BICD2: variants seen among roughly 807,000 people sequenced by gnomAD.
BICD2 encodes BICD cargo adaptor 2, also known as protein bicaudal D homolog 2.
A neutral mutation model predicts 72.9 loss-of-function variants in BICD2; 25 were observed. That is an observed-to-expected ratio of 0.34 (90% CI 0.25 to 0.48). BICD2 has a LOEUF of 0.48. Ranked by LOEUF, BICD2 falls within the 20% of genes least tolerant of loss-of-function variation. BICD2 has a pLI of 0.99. For synonymous variants in BICD2, 501 were observed against 516.1 expected (o/e 0.97, Z 0.40); for missense variants, 894 against 1,175.2 (o/e 0.76, Z 3.50).
intron 6 of BICD2, 130 bp downstream of exon 6, chr9:92,717,667 T>C: frequency 8.1e-7 from 1 of 1,239,820 alleles, no homozygotes. Flanking sequence ...CTGATGGAGC[T>C]GGGCACAGCC....
At chr9:92,729,620 G>A (rs894751833) in intron 1 of BICD2, among the ~76,000 whole-genome samples, 5 of 152,348 alleles carry the variant, frequency 3.3e-5, no homozygotes, top group East Asian at 1.9e-4. Flanking sequence ...ATGGCACGCC[G>A]GCCACCACAT....
At position 92,719,484 on chromosome 9, in the gene BICD2, C is replaced by T; in HGVS notation, c.1161G>A (p.Val387=). Residue 387 remains valine, a synonymous_variant, in exon 5 of 7, where the codon GTG becomes GTA. Transcript: ENST00000356884. ...RGSLSEQQEK[V]TRLTENLSAL... ...CACTCAGATTCTCTGTGAGGCGGGT[C>T]ACCTTCTCCTGCTGTTCTGACAGGG... The T allele has an allele frequency of 6.2e-7, 1 of 1,614,046 alleles. No individual in the cohort carries two copies. Among genetic ancestry groups the T allele is most frequent in the Non-Finnish European group, 8.5e-7 (1 of 1,180,016 alleles).
chr9:92,743,482 A>C (rs1442412206), intron 1 of BICD2, among the ~76,000 whole-genome samples: 1 of 151,618 alleles, frequency 6.6e-6, no homozygotes, highest in Non-Finnish European at 1.5e-5. Context: ...CGCACAAGAT[A>C]CCGTGTTCAG....
intron 1 of BICD2, among the ~76,000 whole-genome samples, chr9:92,763,248 C>T (rs1368723490): frequency 1.3e-5 from 2 of 152,094 alleles, no homozygotes; most frequent in African/African-American, 2.4e-5. Context: ...TCCTCAGACA[C>T]GGGGGAGGCA....
Position 92,718,519 on chromosome 9 carries a change from C to T in BICD2, c.2106+20G>A. On this transcript the variant is annotated intron_variant, in intron 5 of 6. Coordinates refer to ENST00000356884, the MANE Select transcript of BICD2 (RefSeq NM_001003800.2). ...AGGCCAGTAGTAGGTGACATGTGCCCCTGCTGCCTGGCACCTCACCTGCTT... is the reference window on the plus strand; with the variant it reads ...AGGCCAGTAGTAGGTGACATGTGCCTCTGCTGCCTGGCACCTCACCTGCTT... The T allele has an allele frequency of 6.3e-7, 1 of 1,592,202 alleles. No homozygotes were observed. The highest frequency in any genetic ancestry group is 8.6e-7 in the Non-Finnish European group (1 of 1,168,032).
At chr9:92,761,371 C>T (rs1854369176) in intron 1 of BICD2, among the ~76,000 whole-genome samples, 1 of 152,232 alleles carries the variant, frequency 6.6e-6, no homozygotes, top group South Asian at 2.1e-4. Context: ...GTGTTGGGTG[C>T]TGTGCCCAGT....
chr9:92,751,112 T>C (rs1219213217), intron 1 of BICD2, among the ~76,000 whole-genome samples: 1 of 148,644 alleles, frequency 6.7e-6, no homozygotes, highest in Non-Finnish European at 1.5e-5. Context: ...GGTTTCACCA[T>C]GTTGGCCAGG....
At chr9:92,757,841 A>C (rs1196926314) in intron 1 of BICD2, among the ~76,000 whole-genome samples, 1 of 152,244 alleles carries the variant, frequency 6.6e-6, no homozygotes, top group East Asian at 1.9e-4. Flanking sequence ...AGGAGCATAC[A>C]TGGACTCACT....
Position 92,719,106 on chromosome 9 carries a change from G to T in BICD2, c.1539C>A (p.Ala513=). The T allele has an allele frequency of 6.2e-7, 1 of 1,612,750 alleles. No individual in the cohort carries two copies. Among genetic ancestry groups the T allele is most frequent in the South Asian group, 1.1e-5 (1 of 91,090 alleles). ...CACTCAGGCTGCCCTGTGTCTCGCC[G>T]GCGACGTCGCTCACCTTCTTTAGCT... The part of the protein sequence containing the change: ...EKELKKVSDV[A]GETQGSLSVA... The change falls in exon 5 of 7, where the codon GCC becomes GCA. Residue 513 remains alanine, a synonymous_variant. Coordinates refer to ENST00000356884, the MANE Select transcript of BICD2 (RefSeq NM_001003800.2).
chr9:92,755,313 C>T (rs1243993430), intron 1 of BICD2, among the ~76,000 whole-genome samples: 1 of 152,212 alleles, frequency 6.6e-6, no homozygotes, highest in Non-Finnish European at 1.5e-5. Context: ...GTGCCCGAAA[C>T]TTCATTAGCA....
rs1853369802 is a variant in BICD2 at position 92,718,442 on chromosome 9, T to TG, written c.2106+96dup. Reference sequence around the variant, plus strand: ...GCTCTGTCTGGTGGTGACGCAGGCCTGGGGGGGCCCCGTGGCAGGGGGAGG... The same window carrying TG: ...GCTCTGTCTGGTGGTGACGCAGGCCTGGGGGGGGCCCCGTGGCAGGGGGAGG... On this transcript the variant is annotated intron_variant, in intron 5 of 6. Transcript: ENST00000356884. 32 of 1,446,176 alleles carry TG rather than the reference T, an allele frequency of 2.2e-5. 1 individual carries two copies. The highest frequency in any genetic ancestry group is 5.1e-4 in the Middle Eastern group (2 of 3,944). 89.6% of individuals were successfully genotyped at this position (1,446,176 alleles called of 1,614,324 possible). A position where few individuals can be genotyped will look rare whatever the true frequency, so the allele number is the denominator to read the frequency against.
intron 1 of BICD2, among the ~76,000 whole-genome samples, chr9:92,745,311 T>C (rs918396835): frequency 1.3e-5 from 2 of 151,632 alleles, no homozygotes; most frequent in African/African-American, 4.9e-5. Flanking sequence ...GGAGGTATAG[T>C]TGGGAGATGG....
intron 1 of BICD2, among the ~76,000 whole-genome samples, chr9:92,740,605 G>T (rs1853880712): frequency 6.6e-6 from 1 of 151,816 alleles, no homozygotes; most frequent in Non-Finnish European, 1.5e-5. Flanking sequence ...CTCTAGACGG[G>T]GATTGCAAAA....
chr9:92,740,692 A>C (rs1367134542), intron 1 of BICD2, among the ~76,000 whole-genome samples: 3 of 152,128 alleles, frequency 2.0e-5, no homozygotes, highest in Non-Finnish European at 4.4e-5. Flanking sequence ...AGAAAAAACA[A>C]AGCAACCATG....
intron 2 of BICD2, among the ~76,000 whole-genome samples, chr9:92,724,846 G>T (rs1052627883): frequency 2.0e-5 from 3 of 152,200 alleles, no homozygotes; most frequent in African/African-American, 7.2e-5. Flanking sequence ...CTGCCAGAAA[G>T]GTTTGCCCAG....
In BICD2 at chr9:92,719,505, C is replaced by T; in HGVS notation, c.1140G>A (p.Leu380=). 6 of 1,613,812 alleles carry T rather than the reference C, an allele frequency of 3.7e-6. No individual in the cohort carries two copies. Among genetic ancestry groups the T allele is most frequent in the Non-Finnish European group, 5.1e-6 (6 of 1,180,006 alleles). Residue 380 remains leucine (L), a synonymous_variant, in exon 5 of 7, where the codon CTG becomes CTA. Transcript: ENST00000356884. ...GGGTCACCTTCTCCTGCTGTTCTGA[C>T]AGGGAGCCCCGCGTGTGCTCCAGCT... ...QKQLEHTRGS[L]SEQQEKVTRL...
intron 2 of BICD2, among the ~76,000 whole-genome samples, chr9:92,723,671 ACCT>A (rs1853509074): frequency 6.6e-6 from 1 of 152,188 alleles, no homozygotes. Flanking sequence ...TGAGTTGTAC[ACCT>A]TATGTGGGTG....
intron 6 of BICD2, among the ~76,000 whole-genome samples, chr9:92,716,731 A>G (rs1315473115): frequency 6.6e-6 from 1 of 152,206 alleles, no homozygotes; most frequent in Non-Finnish European, 1.5e-5. Flanking sequence ...GTCAGGGGGC[A>G]CCTGGGAAGA....
intron 1 of BICD2, among the ~76,000 whole-genome samples, chr9:92,743,272 A>G (rs1853933799): frequency 6.6e-6 from 1 of 151,328 alleles, no homozygotes; most frequent in South Asian, 2.1e-4. Context: ...AGCTCCCTTC[A>G]GCCTTAACCT....
Sources: gnomAD v4.1 joint callset for allele counts (sites outside exome capture counted in the v4.1 genomes callset) on GRCh38, gnomAD v4.1.1 for gene constraint, MANE v1.5 for transcripts, NCBI Gene and HGNC (gene_info 2026-07-23, HGNC 2026-07-21) for gene names.